DSCAM: variants seen among roughly 807,000 people sequenced by gnomAD.
DSCAM encodes the protein DS cell adhesion molecule, also known as cell adhesion molecule DSCAM.
Under a neutral mutation model 217.7 loss-of-function variants are expected in DSCAM, and 47 were observed. That is an observed-to-expected ratio of 0.22 (90% CI 0.17 to 0.28). The LOEUF is 0.28. Among genes scored for constraint, DSCAM ranks in the 10% least tolerant of loss-of-function variants. The pLI is 1.00. For missense variants in DSCAM, 2,080 were observed against 2,618.3 expected, an observed-to-expected ratio of 0.79 and a Z score of 4.49; for synonymous variants, 1,056 against 1,015.3, an observed-to-expected ratio of 1.04 and a Z score of -0.76.
intron 32 of DSCAM, among the ~76,000 whole-genome samples, chr21:40,020,892 T>G (rs1420116962): frequency 1.3e-5 from 2 of 152,150 alleles, no homozygotes; most frequent in Non-Finnish European, 2.9e-5. Context: ...GAACCCACTG[T>G]GCTCTGCCCT....
chr21:40,703,734 T>G (rs2090682335), intron 2 of DSCAM, among the ~76,000 whole-genome samples: 1 of 152,240 alleles, frequency 6.6e-6, no homozygotes, highest in Non-Finnish European at 1.5e-5. Context: ...TGGGGTTTGT[T>G]GAGCTCCTTG....
chr21:40,095,213 G>A (rs886314274), intron 20 of DSCAM, among the ~76,000 whole-genome samples: 1 of 152,142 alleles, frequency 6.6e-6, no homozygotes, highest in East Asian at 1.9e-4. Flanking sequence ...TATTCACTAC[G>A]AGGAGAACAG....
intron 3 of DSCAM, among the ~76,000 whole-genome samples, chr21:40,625,474 C>T (rs1039246491): frequency 6.6e-6 from 1 of 152,094 alleles, no homozygotes; most frequent in Admixed American, 6.6e-5. Context: ...TGTTTCTCAT[C>T]TCTGGCTTCC....
At chr21:40,282,339 G>T (rs1318359106) in intron 10 of DSCAM, among the ~76,000 whole-genome samples, 1 of 152,016 alleles carries the variant, frequency 6.6e-6, no homozygotes, top group East Asian at 1.9e-4. Flanking sequence ...TGTAATCCCA[G>T]CACTTTGGGA....
intron 1 of DSCAM, among the ~76,000 whole-genome samples, chr21:40,775,364 C>T (rs1569030578): frequency 6.6e-6 from 1 of 152,092 alleles, no homozygotes; most frequent in Non-Finnish European, 1.5e-5. Context: ...TGAAGGAATA[C>T]CTAGAAACCT....
intron 3 of DSCAM, among the ~76,000 whole-genome samples, chr21:40,542,149 T>G (rs2076547342): frequency 6.6e-6 from 1 of 151,934 alleles, no homozygotes; most frequent in Non-Finnish European, 1.5e-5. Context: ...AACTGACTGA[T>G]TTCAGAAGAA....
chr21:40,619,819 C>A (rs1265043612), intron 3 of DSCAM, among the ~76,000 whole-genome samples: 1 of 140,280 alleles, frequency 7.1e-6, no homozygotes, highest in Non-Finnish European at 1.5e-5. Flanking sequence ...GACACTTGAA[C>A]AGAGAAGATT....
intron 3 of DSCAM, among the ~76,000 whole-genome samples, chr21:40,620,046 GAAA>G (rs957329111): frequency 1.6e-5 from 1 of 63,864 alleles, no homozygotes; most frequent in Non-Finnish European, 3.1e-5. Context: ...GAAAGAGAGA[GAAA>G]AAAGAAAAAG....
At chr21:40,334,261 C>T (rs1174906587) in intron 8 of DSCAM, among the ~76,000 whole-genome samples, 2 of 152,132 alleles carry the variant, frequency 1.3e-5, no homozygotes, top group Non-Finnish European at 2.9e-5. Context: ...CTGACAGCAT[C>T]CACTTCTTTG....
chr21:40,500,484 T>C (rs918673983), intron 3 of DSCAM, among the ~76,000 whole-genome samples: 1 of 152,250 alleles, frequency 6.6e-6, no homozygotes, highest in Non-Finnish European at 1.5e-5. Flanking sequence ...GAATGTCAAC[T>C]TAACTATTTT....
intron 28 of DSCAM, among the ~76,000 whole-genome samples, chr21:40,061,541 C>T (rs562431346): frequency 6.7e-6 from 1 of 150,144 alleles, no homozygotes; most frequent in East Asian, 2.0e-4. Flanking sequence ...TGCACTCCAG[C>T]CTGGGCGACA....
At chr21:40,498,803 A>ATGGGTG (rs1454335441) in intron 3 of DSCAM, among the ~76,000 whole-genome samples, 1 of 39,978 alleles carries the variant, frequency 2.5e-5, no homozygotes, top group Non-Finnish European at 4.7e-5. Flanking sequence ...ATATATATAT[A>ATGGGTG]TATATATATA....
At chr21:40,197,557 A>C (rs1186014040) in intron 11 of DSCAM, among the ~76,000 whole-genome samples, 1 of 152,232 alleles carries the variant, frequency 6.6e-6, no homozygotes, top group East Asian at 1.9e-4. Context: ...AATCAATATT[A>C]CCATAAAAGT....
intron 32 of DSCAM, among the ~76,000 whole-genome samples, chr21:40,039,320 A>AGAAT (rs1491504897): frequency 6.6e-6 from 1 of 151,428 alleles, no homozygotes; most frequent in Non-Finnish European, 1.5e-5. Context: ...AAAAAAAAAA[A>AGAAT]GAATGGAAAA....
intron 1 of DSCAM, among the ~76,000 whole-genome samples, chr21:40,798,711 A>T (rs2091713094): frequency 6.6e-6 from 1 of 152,024 alleles, no homozygotes; most frequent in African/African-American, 2.4e-5. Flanking sequence ...TAAAACAATC[A>T]CCTAATTGTA....
At chr21:40,040,508 C>A (rs935705436) in intron 32 of DSCAM, among the ~76,000 whole-genome samples, 3 of 152,132 alleles carry the variant, frequency 2.0e-5, no homozygotes, top group Non-Finnish European at 4.4e-5. Context: ...CAGGTGGAAA[C>A]ATAAAGTACT....
At chr21:40,818,381 C>G (rs1000991886) in intron 1 of DSCAM, among the ~76,000 whole-genome samples, 4 of 150,904 alleles carry the variant, frequency 2.7e-5, no homozygotes, top group African/African-American at 9.7e-5. Context: ...CCCATGTGTA[C>G]TAAAAATACA....
At chr21:40,101,363 C>T (rs2089748160) in intron 20 of DSCAM, among the ~76,000 whole-genome samples, 2 of 152,166 alleles carry the variant, frequency 1.3e-5, no homozygotes. Context: ...TCTTGGTCCA[C>T]CAGATAACAT....
intron 1 of DSCAM, among the ~76,000 whole-genome samples, chr21:40,808,886 C>CTT (rs1196883056): frequency 3.7e-4 from 57 of 152,346 alleles, no homozygotes; most frequent in Non-Finnish European, 2.4e-4. Context: ...CTGACACTCT[C>CTT]TGCTTTGTTA....
Sources: allele counts gnomAD v4.1 joint callset (sites outside exome capture counted in the v4.1 genomes callset), GRCh38; gene constraint gnomAD v4.1.1; transcripts MANE v1.5; gene names NCBI Gene and HGNC (gene_info 2026-07-23, HGNC 2026-07-21).